TOX2: variants seen among roughly 807,000 people sequenced by gnomAD.
TOX2 encodes TOX high mobility group box family member 2.
TOX2 carries 15 observed loss-of-function variants against 47.4 expected under a neutral mutation model. The observed-to-expected ratio is 0.32, with a 90% CI of 0.21 to 0.49. The LOEUF is 0.49. TOX2 is among the 20% of genes least tolerant of loss of function. The pLI, the probability that TOX2 is intolerant of heterozygous loss-of-function variation, is 0.99. For missense variants in TOX2, 622 were observed against 673.1 expected (o/e 0.92, Z 0.84); for synonymous variants, 290 against 296.6 (o/e 0.98, Z 0.23).
At chr20:43,950,474 G>T (rs1008549832) in intron 1 of TOX2, among the ~76,000 whole-genome samples, 1 of 151,950 alleles carries the variant, frequency 6.6e-6, no homozygotes, top group African/African-American at 2.4e-5. Context: ...TGCCTCTCTG[G>T]CCTCCCCTCC....
intron 2 of TOX2, among the ~76,000 whole-genome samples, chr20:43,995,813 C>T (rs770318172): frequency 7.2e-5 from 11 of 152,162 alleles, no homozygotes; most frequent in Non-Finnish European, 1.6e-4. Context: ...GCCTCCAGCT[C>T]CATCCATGTT....
At chr20:44,029,592 G>A (rs1006933208) in intron 3 of TOX2, among the ~76,000 whole-genome samples, 1 of 152,188 alleles carries the variant, frequency 6.6e-6, no homozygotes, top group African/African-American at 2.4e-5. Flanking sequence ...TGAGAACATG[G>A]CCTGTGAGTG....
intron 2 of TOX2, among the ~76,000 whole-genome samples, chr20:43,974,784 C>T (rs968632019): frequency 1.3e-5 from 2 of 152,262 alleles, no homozygotes; most frequent in Non-Finnish European, 2.9e-5. Context: ...ATACTGTAGT[C>T]TCAGTGGGGC....
intron 3 of TOX2, among the ~76,000 whole-genome samples, chr20:44,028,220 G>A (rs1379736558): frequency 6.6e-6 from 1 of 152,158 alleles, no homozygotes. Context: ...GAGTCCAAAA[G>A]TGAGTAGGGG....
chr20:44,029,671 A>C (rs984430763), intron 3 of TOX2, among the ~76,000 whole-genome samples: 5 of 152,184 alleles, frequency 3.3e-5, no homozygotes, highest in African/African-American at 1.2e-4. Context: ...TGATGGGAAC[A>C]CCTGCCCTCC....
intron 1 of TOX2, among the ~76,000 whole-genome samples, chr20:43,945,034 G>GT (rs2069447044): frequency 6.6e-6 from 1 of 152,208 alleles, no homozygotes; most frequent in African/African-American, 2.4e-5. Context: ...ATCAAGGCTT[G>GT]TGGTGGGTGA....
chr20:43,919,723 T>G (rs534519902), intron 1 of TOX2, among the ~76,000 whole-genome samples: 1 of 152,322 alleles, frequency 6.6e-6, no homozygotes, highest in Non-Finnish European at 1.5e-5. Flanking sequence ...CCTCCCTGTG[T>G]CCATGTGTTC....
rs1433008391 is a variant in TOX2, at chr20:44,039,241, A to G, written c.412-12065A>G. The G allele has an allele frequency of 3.9e-6, 5 of 1,289,448 alleles. No homozygotes were observed. In the South Asian group the frequency reaches 6.2e-5, roughly 16 times the overall value. 79.9% of individuals were successfully genotyped at this position (1,289,448 alleles called of 1,614,324 possible). A position where few individuals can be genotyped will look rare whatever the true frequency, so the allele number is the denominator to read the frequency against. ...AGGTGACATTTCAGGTAAGCCATAA[A>G]GGAGGATGACACAGAGGGCAGGTGT... On this transcript the variant is annotated intron_variant, in intron 3 of 8. Transcript: ENST00000341197.
intron 1 of TOX2, among the ~76,000 whole-genome samples, chr20:43,963,491 G>T (rs1163995368): frequency 6.6e-6 from 1 of 152,188 alleles, no homozygotes; most frequent in African/African-American, 2.4e-5. Context: ...TGGAGGCAGT[G>T]GGGGTGGGAA....
chr20:43,930,546 T>C (rs867601484), intron 1 of TOX2, among the ~76,000 whole-genome samples: 8 of 152,196 alleles, frequency 5.3e-5, no homozygotes, highest in East Asian at 1.9e-4. Context: ...TTTTGTCCCC[T>C]TCCCATCTCC....
intron 3 of TOX2, among the ~76,000 whole-genome samples, chr20:44,044,785 C>T (rs531334008): frequency 1.3e-5 from 2 of 152,192 alleles, no homozygotes; most frequent in South Asian, 2.1e-4. Flanking sequence ...GGTGTCTACT[C>T]GAGAGAATTG....
At chr20:43,942,555 A>T (rs1403211430) in intron 1 of TOX2, among the ~76,000 whole-genome samples, 1 of 152,168 alleles carries the variant, frequency 6.6e-6, no homozygotes, top group Admixed American at 6.5e-5. Context: ...GTGTGGTGGC[A>T]CATGCCTGTA....
At chr20:43,962,524 C>G (rs1482065826) in intron 1 of TOX2, among the ~76,000 whole-genome samples, 1 of 152,216 alleles carries the variant, frequency 6.6e-6, no homozygotes, top group Non-Finnish European at 1.5e-5. Context: ...AGGGCAGAGC[C>G]CTAGACTGGG....
intron 1 of TOX2, among the ~76,000 whole-genome samples, chr20:43,927,369 G>C (rs1162587026): frequency 6.6e-6 from 1 of 151,590 alleles, no homozygotes; most frequent in Non-Finnish European, 1.5e-5. Context: ...TTCCCCTGTG[G>C]GCTGGTATTT....
At chr20:44,041,865 A>G (rs1569126323) in intron 3 of TOX2, among the ~76,000 whole-genome samples, 1 of 152,242 alleles carries the variant, frequency 6.6e-6, no homozygotes, top group Non-Finnish European at 1.5e-5. Context: ...ATTGTACAAA[A>G]TCCGTAGTTC....
rs560732734 is a variant in TOX2, at chr20:44,023,223, G to A, written c.411+16431G>A. Among the ~76,000 whole-genome samples the A allele has an allele frequency of 3.9e-5, 6 of 152,178 alleles. No homozygotes were observed. In the South Asian group the frequency reaches 1.2e-3, roughly 32 times the overall value. On this transcript the variant is annotated intron_variant, in intron 3 of 8. Transcript: ENST00000341197. ...GCGAGCAGATCACCTGAGGTCAGGA[G>A]TTCAAGGCCAGCCTGGCCAACATGG... is the stretch of plus-strand genomic sequence containing the variant.
chr20:44,040,108 G>C (rs1210206793), intron 3 of TOX2, among the ~76,000 whole-genome samples: 1 of 152,112 alleles, frequency 6.6e-6, no homozygotes, highest in Non-Finnish European at 1.5e-5. Context: ...GGATGGGCAG[G>C]GTCTCACCAC....
intron 3 of TOX2, among the ~76,000 whole-genome samples, chr20:44,037,830 C>T (rs960752177): frequency 2.6e-5 from 4 of 151,984 alleles, no homozygotes; most frequent in African/African-American, 4.8e-5. Context: ...GTACCAGTAA[C>T]GGGGCGATGC....
intron 5 of TOX2, among the ~76,000 whole-genome samples, chr20:44,062,395 T>TAAAC (rs1434638901): frequency 6.7e-6 from 1 of 148,898 alleles, no homozygotes; most frequent in Non-Finnish European, 1.5e-5. Flanking sequence ...AATAAATAAA[T>TAAAC]AAATAAATAA....
Sources: allele counts gnomAD v4.1 joint callset (sites outside exome capture counted in the v4.1 genomes callset), GRCh38; gene constraint gnomAD v4.1.1; transcripts MANE v1.5; gene names NCBI Gene and HGNC (gene_info 2026-07-23, HGNC 2026-07-21).